The following HS6ST2 variants were observed in gnomAD, a reference collection of about 807,000 sequenced individuals.
HS6ST2 encodes the protein heparan-sulfate 6-O-sulfotransferase 2.
HS6ST2 carries 17 observed loss-of-function variants against 33.0 expected under a neutral mutation model. The observed-to-expected ratio is 0.52, with a 90% confidence interval of 0.35 to 0.77. HS6ST2 has a LOEUF of 0.77. Among genes scored for constraint, HS6ST2 ranks in the 30% least tolerant of loss-of-function variants. The pLI, the probability that HS6ST2 is intolerant of heterozygous loss-of-function variation, is 0.01. For synonymous variants in HS6ST2, 248 were observed against 237.1 expected, an observed-to-expected ratio of 1.05 and a Z score of -0.42; for missense variants, 519 against 551.7, an observed-to-expected ratio of 0.94 and a Z score of 0.59.
chrX:132,736,844 G>T (rs1170247064), intron 2 of HS6ST2, among the ~76,000 whole-genome samples: 1 of 111,797 alleles, frequency 8.9e-6, no homozygotes, highest in Non-Finnish European at 1.9e-5. Flanking sequence ...TGCCCCTCTT[G>T]AAAAGAAACC....
intron 2 of HS6ST2, among the ~76,000 whole-genome samples, chrX:132,803,514 T>C (rs1433531118): frequency 8.9e-6 from 1 of 111,830 alleles, no homozygotes; most frequent in African/African-American, 3.3e-5. Flanking sequence ...GTTCAAGCGA[T>C]TCTCGTGCCT....
At chrX:132,822,176 G>A (rs1333083283) in intron 2 of HS6ST2, among the ~76,000 whole-genome samples, 3 of 111,586 alleles carry the variant, frequency 2.7e-5, no homozygotes, top group Non-Finnish European at 5.6e-5. Flanking sequence ...TTAATAAGTG[G>A]TAAAGATGCA....
chrX:132,637,814 T>A (rs1386222901), intron 4 of HS6ST2, among the ~76,000 whole-genome samples: 25 of 64,844 alleles, frequency 3.9e-4, no homozygotes, highest in East Asian at 8.5e-4. Flanking sequence ...ATATATTATT[T>A]TATATATATA....
At chrX:132,941,975 TTA>T (rs1174912580) in intron 2 of HS6ST2, among the ~76,000 whole-genome samples, 1 of 111,917 alleles carries the variant, frequency 8.9e-6, no homozygotes, top group Non-Finnish European at 1.9e-5. Context: ...TTCATAAATC[TTA>T]TAGTGTGTTT....
intron 2 of HS6ST2, among the ~76,000 whole-genome samples, chrX:132,790,727 T>C (rs1311663432): frequency 8.9e-6 from 1 of 112,351 alleles, no homozygotes; most frequent in Non-Finnish European, 1.9e-5. Context: ...AGAAAATAGA[T>C]ACATACGTAT....
chrX:132,672,748 T>C (rs187597756), intron 3 of HS6ST2, among the ~76,000 whole-genome samples: 1 of 112,600 alleles, frequency 8.9e-6, no homozygotes, highest in African/African-American at 3.2e-5. Context: ...TGCAGTATTA[T>C]GCACATTCTA....
intron 4 of HS6ST2, among the ~76,000 whole-genome samples, chrX:132,630,335 G>A (rs887924055): frequency 8.9e-6 from 1 of 112,209 alleles, no homozygotes; most frequent in African/African-American, 3.2e-5. Context: ...ACACATACAT[G>A]AGGAGCCACA....
chrX:132,628,759 T>C lies in HS6ST2; in HGVS notation c.1402A>G (p.Met468Val). 1 of 1,211,954 alleles carries C rather than the reference T, an allele frequency of 8.3e-7. No individual in the cohort carries two copies. Among genetic ancestry groups the C allele is most frequent in the East Asian group, 3.0e-5 (1 of 33,831 alleles). ...LESAKSNLKH[M>V]AFFGLTEFQR... is the part of the protein sequence containing the mutation. ...AACTCAGTGAGGCCGAAGAACGCCA[T>C]GTGCTTCAGATTTGACTTGGCACTT... The change falls in exon 5 of 5, where the codon ATG becomes GTG. Residue 468 changes from methionine (M) to valine (V), a missense_variant. Met to Val is a conservative substitution (Grantham distance 21). Transcript: ENST00000370833.
intron 2 of HS6ST2, among the ~76,000 whole-genome samples, chrX:132,765,698 G>T (rs368019575): frequency 2.7e-5 from 3 of 111,122 alleles, no homozygotes; most frequent in African/African-American, 9.8e-5. Context: ...CAATCCTCCC[G>T]CCTTGGCCTC....
At chrX:132,882,685 G>T (rs2066191357) in intron 2 of HS6ST2, among the ~76,000 whole-genome samples, 1 of 109,501 alleles carries the variant, frequency 9.1e-6, no homozygotes, top group African/African-American at 3.3e-5. Flanking sequence ...GGTGAGAGAG[G>T]GCATCCCTGT....
At chrX:132,878,727 A>T (rs2066133317) in intron 2 of HS6ST2, among the ~76,000 whole-genome samples, 1 of 111,944 alleles carries the variant, frequency 8.9e-6, no homozygotes, top group Non-Finnish European at 1.9e-5. Flanking sequence ...TTTGGAATAT[A>T]AATAATCATA....
chrX:132,789,207 C>G (rs1278201172), intron 2 of HS6ST2, among the ~76,000 whole-genome samples: 1 of 111,658 alleles, frequency 9.0e-6, no homozygotes, highest in Non-Finnish European at 1.9e-5. Flanking sequence ...TCGTTAGGAG[C>G]TAATGTAGCT....
chrX:132,865,792 G>A (rs1456263035), intron 2 of HS6ST2, among the ~76,000 whole-genome samples: 1 of 111,697 alleles, frequency 9.0e-6, no homozygotes, highest in Non-Finnish European at 1.9e-5. Context: ...AGAAGTGTCT[G>A]TTCATGTCCT....
intron 2 of HS6ST2, among the ~76,000 whole-genome samples, chrX:132,921,225 G>A (rs928273296): frequency 3.6e-5 from 4 of 112,081 alleles, no homozygotes; most frequent in African/African-American, 1.3e-4. Flanking sequence ...ACTACTTAAG[G>A]TGTAGTCTGC....
At chrX:132,885,356 G>A (rs1319881875) in intron 2 of HS6ST2, among the ~76,000 whole-genome samples, 2 of 111,477 alleles carry the variant, frequency 1.8e-5, no homozygotes, top group Admixed American at 1.9e-4. Context: ...GTCACACAGA[G>A]CTGTGTACTC....
At chrX:132,776,182 T>C (rs751806972) in intron 2 of HS6ST2, among the ~76,000 whole-genome samples, 1 of 111,934 alleles carries the variant, frequency 8.9e-6, no homozygotes, top group South Asian at 3.7e-4. Context: ...GCAAAATTGA[T>C]TGAGAACATT....
chrX:132,718,351 A>G (rs745654697), intron 2 of HS6ST2, among the ~76,000 whole-genome samples: 13 of 111,635 alleles, frequency 1.2e-4, no homozygotes, highest in Admixed American at 1.0e-3. Flanking sequence ...CATTCTTCTC[A>G]CTTTACAGGG....
At chrX:132,806,057 T>G (rs1371084659) in intron 2 of HS6ST2, among the ~76,000 whole-genome samples, 1 of 110,302 alleles carries the variant, frequency 9.1e-6, no homozygotes, top group Admixed American at 9.7e-5. Flanking sequence ...TGGTGGTATT[T>G]GCTCAGATGA....
At chrX:132,732,600 C>A (rs1673310223) in intron 2 of HS6ST2, among the ~76,000 whole-genome samples, 1 of 111,073 alleles carries the variant, frequency 9.0e-6, no homozygotes, top group African/African-American at 3.3e-5. Context: ...TGGTAAGTCT[C>A]ACTAGATTTG....
Sources: allele counts gnomAD v4.1 joint callset (sites outside exome capture counted in the v4.1 genomes callset), GRCh38; gene constraint gnomAD v4.1.1; transcripts MANE v1.5; gene names NCBI Gene and HGNC (gene_info 2026-07-23, HGNC 2026-07-21).